SEMA7A: variants seen among roughly 807,000 people sequenced by gnomAD.
The protein encoded by SEMA7A is semaphorin 7A (JohnMiltonHagen blood group).
Under a neutral mutation model 67.5 loss-of-function variants are expected in SEMA7A, and 21 were observed. That is an observed-to-expected ratio of 0.31 (90% confidence interval 0.22 to 0.45). SEMA7A has a LOEUF of 0.45. Ranked by LOEUF, SEMA7A falls within the 20% of genes least tolerant of loss-of-function variation. The pLI is 1.00. For synonymous variants in SEMA7A, 364 were observed against 368.5 expected, an observed-to-expected ratio of 0.99 and a Z score of 0.14; for missense variants, 774 against 908.6, an observed-to-expected ratio of 0.85 and a Z score of 1.90.
chr15:74,418,357 C>A (rs373368421), intron 2 of SEMA7A, 48 bp from the exon 3 acceptor site: 2 of 1,586,494 alleles, frequency 1.3e-6, no homozygotes. Flanking sequence ...GGGTGAGGTA[C>A]CCCTGAAATG....
In SEMA7A at chr15:74,418,286, C is replaced by T; in HGVS notation, c.354G>A (p.Gly118=). ...CACTCACCCGCTTATCCAGACAGGA[C>T]CCCTTTGTGGAGCCGATATTCACCT... ...VRTVNIGSTK[G]SCLDKRDCEN... is the part of the protein sequence containing the mutation. Residue 118 remains glycine, a synonymous_variant, in exon 3 of 14, where the codon GGG becomes GGA. Coordinates refer to ENST00000261918, the MANE Select transcript of SEMA7A (RefSeq NM_003612.5). 6.2e-7 allele frequency: 1 copy of T among 1,611,976 alleles called. No individual in the cohort carries two copies. Among genetic ancestry groups the T allele is most frequent in the Non-Finnish European group, 8.5e-7 (1 of 1,179,370 alleles).
chr15:74,422,702 T>C (rs765236927), intron 1 of SEMA7A, among the ~76,000 whole-genome samples: 3 of 152,124 alleles, frequency 2.0e-5, no homozygotes, highest in Admixed American at 1.3e-4. Context: ...CTGATCCCAT[T>C]GGAAAGAATG....
At chr15:74,433,597 C>G (rs2061112762) in intron 1 of SEMA7A, 144 bp downstream of exon 1, 1 of 1,266,372 alleles carries the variant, frequency 7.9e-7, no homozygotes, top group Non-Finnish European at 9.9e-7. Flanking sequence ...CACCCAAACC[C>G]ACACGCTCCA....
Position 74,414,589 on chromosome 15 carries a change from C to T in SEMA7A, c.1252G>A (p.Ala418Thr). ...YQKVAVHRMQASHGETFHVLY... is the reference protein window; with the variant it reads ...YQKVAVHRMQTSHGETFHVLY... ...ACATGAAAGGTCTCCCCGTGGCTGG[C>T]TTGCATGCGGTGGACGGCCACTTTC... The change falls in exon 10 of 14, where the codon GCC (alanine) becomes ACC (threonine). Residue 418 changes from alanine (A) to threonine (T), a missense_variant. Transcript: ENST00000261918. This position sits in a 1 kb window ranked among gnomAD's most constrained non-coding sequence, Gnocchi z 4.1. The T allele has an allele frequency of 6.2e-7, 1 of 1,614,258 alleles. No individual in the cohort carries two copies. The highest frequency in any genetic ancestry group is 8.5e-7 in the Non-Finnish European group (1 of 1,180,054).
In SEMA7A at chr15:74,418,887, G is replaced by C; in HGVS notation, c.244C>G (p.Pro82Ala). 1 of 1,613,858 alleles carries C rather than the reference G, an allele frequency of 6.2e-7. No individual in the cohort carries two copies. The highest frequency in any genetic ancestry group is 8.5e-7 in the Non-Finnish European group (1 of 1,180,024). ...TEPHTVLFHE[P>A]GSSSVWVGGR... ...CCCACCCACACAGAGGAGCTGCCTGGCTCGTGGAAAAGCACCGTGTGCGGC... is the reference window on the plus strand; with the variant it reads ...CCCACCCACACAGAGGAGCTGCCTGCCTCGTGGAAAAGCACCGTGTGCGGC... The change falls in exon 2 of 14, where the codon CCA becomes GCA. Residue 82 changes from proline to alanine, a missense_variant. Coordinates refer to ENST00000261918, the MANE Select transcript of SEMA7A (RefSeq NM_003612.5).
At chr15:74,430,301 G>A (rs1035731956) in intron 1 of SEMA7A, among the ~76,000 whole-genome samples, 2 of 152,074 alleles carry the variant, frequency 1.3e-5, no homozygotes, top group African/African-American at 2.4e-5. Flanking sequence ...CAGATTTCTC[G>A]AAATCTAAGA....
intron 1 of SEMA7A, 59 bp from the exon 2 acceptor site, chr15:74,419,011 G>A: frequency 6.3e-7 from 1 of 1,575,214 alleles, no homozygotes; most frequent in Non-Finnish European, 8.6e-7. Flanking sequence ...GAAGACTCTG[G>A]GTCCCCTCCA....
rs955550373 is a variant in SEMA7A, at chr15:74,433,742, T to C, written c.177A>G (p.Lys59=). The change falls in exon 1 of 14, where the codon AAA becomes AAG. Residue 59 remains lysine, a splice_region_variant and synonymous_variant. Transcript: ENST00000261918. ...GACCGGCCGCGCGGCGCCGCCTACC[T>C]TTCCAGACGGCGAAGATGCGGGGTC... The part of the protein sequence containing the change: ...RSGPRIFAVW[K]GHVGQDRVDF... 16 of 1,440,604 alleles carry C rather than the reference T, an allele frequency of 1.1e-5. No homozygotes were observed. The African/African-American group carries it at 2.1e-4, about 19-fold the overall frequency. The allele number at this position is 1,440,604 out of a possible 1,614,324, so 89.2% of individuals were successfully genotyped here.
chr15:74,411,737 G>A lies in SEMA7A; in HGVS notation c.1423-27C>T. On this transcript the variant is annotated intron_variant, in intron 11 of 13. Transcript: ENST00000261918. This position sits in a 1 kb window ranked among gnomAD's most constrained non-coding sequence, Gnocchi z 4.4. ...TGGAAGGACAGCAGGATTGGGTCAG[G>A]CCCGGGCCCCACCCCACACTCAGTC... 6.2e-7 allele frequency: 1 copy of A among 1,610,380 alleles called. No homozygotes were observed. The highest frequency in any genetic ancestry group is 8.5e-7 in the Non-Finnish European group (1 of 1,179,574).
At position 74,414,961 on chromosome 15, in the gene SEMA7A, A is replaced by G; in HGVS notation, c.987-15T>C. 1 of 1,609,070 alleles carries G rather than the reference A, an allele frequency of 6.2e-7. No homozygotes were observed. The highest frequency in any genetic ancestry group is 8.5e-7 in the Non-Finnish European group (1 of 1,175,790). On this transcript the variant is annotated splice_polypyrimidine_tract_variant and intron_variant, in intron 8 of 13. Coordinates refer to ENST00000261918, the MANE Select transcript of SEMA7A (RefSeq NM_003612.5). The surrounding 1 kb of genome is among the most constrained non-coding windows in gnomAD (Gnocchi z 4.1). ...CTGAGTAGTTCCTGCAGTGACATGG[A>G]GACCAGCTCAATGGGGGGCCCAGAA...
At position 74,417,684 on chromosome 15, in the gene SEMA7A, G is replaced by C; in HGVS notation, c.466-9C>G. ...ACCACAGTGCCATTCACCTGTGGGA[G>C]ATCCAGAGGGTTGGATGGCCACATA... On this transcript the variant is annotated splice_polypyrimidine_tract_variant and intron_variant, in intron 4 of 13. Coordinates refer to ENST00000261918, the MANE Select transcript of SEMA7A (RefSeq NM_003612.5). 2 of 1,606,856 alleles carry C rather than the reference G, an allele frequency of 1.2e-6. No individual in the cohort carries two copies. Among genetic ancestry groups the C allele is most frequent in the Non-Finnish European group, 1.7e-6 (2 of 1,176,716 alleles).
Position 74,417,616 on chromosome 15 carries a change from G to A in SEMA7A, c.525C>T (p.Asp175=), listed in dbSNP as rs151192042. 2.4e-4 allele frequency: 383 copies of A among 1,612,786 alleles called. No individual in the cohort carries two copies. Among genetic ancestry groups the A allele is most frequent in the East Asian group, 1.4e-3 (64 of 44,870 alleles). Residue 175 remains aspartate, a synonymous_variant, in exon 5 of 14, where the codon GAC becomes GAT. Transcript: ENST00000261918. ...EMRGYAPFSP[D]ENSLVLFEGD... is the part of the protein sequence containing the mutation. ...CTTCAAACAGAACCAGGGAGTTCTC[G>A]TCCGGGCTGAAGGGGGCGTAGCCTC...
chr15:74,428,815 A>G (rs1264208441), intron 1 of SEMA7A, among the ~76,000 whole-genome samples: 2 of 152,140 alleles, frequency 1.3e-5, no homozygotes, highest in Non-Finnish European at 2.9e-5. Flanking sequence ...GGCCAGGGAG[A>G]ATAAAGGGCT....
chr15:74,410,571 G>A lies in SEMA7A; in HGVS notation c.*53C>T, dbSNP rs147801728. On this transcript the variant is annotated 3_prime_UTR_variant, in exon 14 of 14. Transcript: ENST00000261918. The surrounding 1 kb of genome is among the most constrained non-coding windows in gnomAD (Gnocchi z 7.5). ...GGCCAGCCGGCTCTGAGTGTGAGACGTTCTAGTGCCCTGGGCTGCAGAAGC... is the reference window on the plus strand; with the variant it reads ...GGCCAGCCGGCTCTGAGTGTGAGACATTCTAGTGCCCTGGGCTGCAGAAGC... The A allele has an allele frequency of 8.5e-4, 1,301 of 1,529,636 alleles. 10 individuals are homozygous for A. The African/African-American group carries it at 0.016, about 19-fold the overall frequency. 94.8% of individuals were successfully genotyped at this position (1,529,636 alleles called of 1,614,324 possible).
In SEMA7A at chr15:74,433,800, G is replaced by A; in HGVS notation, c.119C>T (p.Ala40Val). 1 of 1,419,952 alleles carries A rather than the reference G, an allele frequency of 7.0e-7. No homozygotes were observed. The allele number at this position is 1,419,952 out of a possible 1,614,324, so 88.0% of individuals were successfully genotyped here. ...TAGGTGGCCCTGGGCGGAGGCGGCG[G>A]CCGCCCAGAGCAGCAGCAGCAGCCG... ...RLRLLLLLWA[A>V]AASAQGHLRS... Residue 40 changes from alanine (A) to valine (V), a missense_variant, in exon 1 of 14, where the codon GCC (alanine) becomes GTC (valine). By Grantham distance (64) the Ala-to-Val change is moderately conservative (BLOSUM62 0). Around this residue, in one of 2 missense-constraint regions of SEMA7A, gnomAD observed 347 missense variants for 353.2 expected, o/e 0.98. Transcript: ENST00000261918.
chr15:74,416,920 A>C (rs1376207675), intron 6 of SEMA7A, among the ~76,000 whole-genome samples: 2 of 152,172 alleles, frequency 1.3e-5, no homozygotes, highest in African/African-American at 4.8e-5. Flanking sequence ...CTCTTCCTAC[A>C]AAGATGTCAT....
In SEMA7A at chr15:74,427,224, G is replaced by C. The variant is rs2061051185; in HGVS notation, c.178+6517C>G. 6 of 985,400 alleles carry C rather than the reference G, an allele frequency of 6.1e-6. No homozygotes were observed. In the African/African-American group the frequency reaches 7.0e-5, roughly 11 times the overall value. 61.0% of individuals were successfully genotyped at this position (985,400 alleles called of 1,614,324 possible). On this transcript the variant is annotated intron_variant, in intron 1 of 13. Transcript: ENST00000261918. ...CATGCTGTCTGATGGGATTTCATCT[G>C]GCCTATGGGGCCCTGAAGGTGAGGA...
intron 1 of SEMA7A, among the ~76,000 whole-genome samples, chr15:74,432,651 C>T (rs755387192): frequency 6.6e-6 from 1 of 152,132 alleles, no homozygotes; most frequent in Non-Finnish European, 1.5e-5. Flanking sequence ...CTCAGACTCC[C>T]GCAATCCCTG....
intron 1 of SEMA7A, chr15:74,427,229 A>G: frequency 1.0e-6 from 1 of 985,382 alleles, no homozygotes; most frequent in East Asian, 1.1e-4. Flanking sequence ...CATCTGGCCT[A>G]TGGGGCCCTG....
Sources: gnomAD v4.1 joint callset for allele counts (sites outside exome capture counted in the v4.1 genomes callset) on GRCh38, gnomAD v4.1.1 for gene constraint, gnomAD v4.1.1 regional missense constraint, Gnocchi (gnomAD v3.1) non-coding constraint, MANE v1.5 for transcripts, NCBI Gene and HGNC (gene_info 2026-07-23, HGNC 2026-07-21) for gene names.